Variants in PREX2 observed in about 807,000 individuals in gnomAD.
PREX2 encodes the protein phosphatidylinositol-3,4,5-trisphosphate dependent Rac exchange factor 2.
In PREX2, 107 loss-of-function variants were observed where a neutral mutation model predicts 203.2. The ratio of observed to expected loss-of-function variants is 0.53; its 90% CI spans 0.45 to 0.62. The LOEUF is 0.62. Ranked by LOEUF, PREX2 falls within the 20% of genes least tolerant of loss-of-function variation. The pLI is 0.00. For missense variants in PREX2, 1,777 were observed against 1,955.9 expected (o/e 0.91, Z 1.72); for synonymous variants, 672 against 663.6 (o/e 1.01, Z -0.19).
chr8:68,190,524 A>G (rs1477656142), intron 35 of PREX2, among the ~76,000 whole-genome samples: 2 of 152,246 alleles, frequency 1.3e-5, no homozygotes, highest in East Asian at 3.9e-4. Context: ...TTACACAGAG[A>G]TAGAAGCAAT....
intron 19 of PREX2, among the ~76,000 whole-genome samples, chr8:68,088,227 G>T (rs11782958): frequency 6.6e-6 from 1 of 152,008 alleles, no homozygotes; most frequent in Non-Finnish European, 1.5e-5. Context: ...TTTATAAACC[G>T]TGGTTAAATC....
At chr8:68,043,729 T>G (rs936043284) in intron 7 of PREX2, among the ~76,000 whole-genome samples, 2 of 152,090 alleles carry the variant, frequency 1.3e-5, no homozygotes, top group Non-Finnish European at 2.9e-5. Flanking sequence ...AGAAAAACAT[T>G]GAAAAAATAT....
At chr8:68,122,661 C>T (rs1003804075) in intron 30 of PREX2, among the ~76,000 whole-genome samples, 1 of 152,002 alleles carries the variant, frequency 6.6e-6, no homozygotes, top group Non-Finnish European at 1.5e-5. Context: ...TCATCTCCCC[C>T]ACTTTTTTGT....
chr8:68,023,830 C>G (rs1253382154), intron 4 of PREX2, among the ~76,000 whole-genome samples: 1 of 151,932 alleles, frequency 6.6e-6, no homozygotes, highest in East Asian at 1.9e-4. Flanking sequence ...ATCTTGTGTC[C>G]TGTGATCTAA....
intron 37 of PREX2, among the ~76,000 whole-genome samples, chr8:68,200,876 C>T (rs1302376064): frequency 1.3e-5 from 2 of 151,992 alleles, no homozygotes; most frequent in Non-Finnish European, 2.9e-5. Flanking sequence ...AAACCTAGGT[C>T]CTAATATGTC....
At chr8:68,036,486 T>A (rs929634019) in intron 6 of PREX2, among the ~76,000 whole-genome samples, 2 of 152,130 alleles carry the variant, frequency 1.3e-5, no homozygotes, top group African/African-American at 4.8e-5. Flanking sequence ...CTTATATGGG[T>A]CATGATAAGA....
At chr8:68,201,581 T>G (rs1812503749) in intron 37 of PREX2, among the ~76,000 whole-genome samples, 1 of 152,150 alleles carries the variant, frequency 6.6e-6, no homozygotes, top group African/African-American at 2.4e-5. Context: ...CTGCCTGCTT[T>G]TATTTATTCT....
At chr8:67,972,300 C>CT (rs1805948647) in intron 1 of PREX2, among the ~76,000 whole-genome samples, 1 of 152,186 alleles carries the variant, frequency 6.6e-6, no homozygotes, top group Admixed American at 6.5e-5. Context: ...AAAAGTGTAA[C>CT]TTTGATTTCT....
intron 33 of PREX2, among the ~76,000 whole-genome samples, chr8:68,142,007 T>C (rs1422095127): frequency 1.3e-5 from 2 of 152,106 alleles, no homozygotes; most frequent in Admixed American, 6.6e-5. Flanking sequence ...CACAGCAAAA[T>C]TGAGAGGAAG....
rs368475739 is a variant in PREX2, at chr8:68,087,817, A to G, written c.2113+8A>G. 1 of 1,604,022 alleles carries G rather than the reference A, an allele frequency of 6.2e-7. No individual in the cohort carries two copies. The highest frequency in any genetic ancestry group is 8.5e-7 in the Non-Finnish European group (1 of 1,170,870). ...TGCATGCTGTAGGAAGAGGTAGGAAATTCGTCTTGCAGGGAAACAGCTTTC... is the reference window on the plus strand; with the variant it reads ...TGCATGCTGTAGGAAGAGGTAGGAAGTTCGTCTTGCAGGGAAACAGCTTTC... On this transcript the variant is annotated splice_region_variant and intron_variant, in intron 19 of 39. Transcript: ENST00000288368.
At position 68,164,317 on chromosome 8, in the gene PREX2, C is replaced by A. The variant is rs190282195; in HGVS notation, c.4346+6881C>A. On this transcript the variant is annotated intron_variant, in intron 35 of 39. Transcript: ENST00000288368. ...AAATAGTAGTCCCCAAAACAGGATC[C>A]AAAGAGAAAAAGCAGAAAGGCCTTA... Among the ~76,000 whole-genome samples the A allele has an allele frequency of 7.9e-4, 119 of 151,072 alleles. 1 individual carries two copies. The highest frequency in any genetic ancestry group is 2.6e-3 in the African/African-American group (109 of 41,180).
chr8:68,184,240 A>G (rs1340606078), intron 35 of PREX2, among the ~76,000 whole-genome samples: 1 of 152,100 alleles, frequency 6.6e-6, no homozygotes, highest in Non-Finnish European at 1.5e-5. Context: ...TATACAAGAG[A>G]TCAGTGTCTC....
chr8:68,221,474 TTAAG>T (rs143153311), intron 38 of PREX2, among the ~76,000 whole-genome samples: 5,899 of 152,242 alleles, frequency 0.039, 299 homozygotes, highest in African/African-American at 0.12. Flanking sequence ...GTTGTGAGGA[TTAAG>T]TAAGTAAATA....
intron 14 of PREX2, among the ~76,000 whole-genome samples, chr8:68,075,449 A>G (rs902726151): frequency 3.3e-5 from 5 of 152,162 alleles, no homozygotes; most frequent in Admixed American, 3.3e-4. Flanking sequence ...TGTACCCTCT[A>G]AAGCTCTGCT....
At chr8:68,015,309 A>G (rs1807380915) in intron 1 of PREX2, among the ~76,000 whole-genome samples, 1 of 152,208 alleles carries the variant, frequency 6.6e-6, no homozygotes, top group Non-Finnish European at 1.5e-5. Flanking sequence ...AACATCTAAA[A>G]TCTGCCTTCA....
intron 1 of PREX2, among the ~76,000 whole-genome samples, chr8:67,976,519 C>CAGAGAGAGAGACGGGAG (rs1806096675): frequency 4.2e-5 from 2 of 47,540 alleles, no homozygotes; most frequent in African/African-American, 1.5e-4. Context: ...CAGACAGAGA[C>CAGAGAGAGAGACGGGAG]AGAGACAGAG....
intron 11 of PREX2, 79 bp from the exon 12 acceptor site, chr8:68,068,954 T>A: frequency 3.6e-6 from 2 of 550,954 alleles, no homozygotes; most frequent in Non-Finnish European, 6.0e-6. Context: ...TGGGAATAAG[T>A]ATTTAATAAA....
chr8:67,982,500 G>C (rs1435534753), intron 1 of PREX2, among the ~76,000 whole-genome samples: 4 of 152,116 alleles, frequency 2.6e-5, no homozygotes, highest in Non-Finnish European at 5.9e-5. Flanking sequence ...TTCCCCCTCA[G>C]GTAGTAAGGG....
chr8:68,185,190 T>C (rs1366260205), intron 35 of PREX2, among the ~76,000 whole-genome samples: 1 of 152,226 alleles, frequency 6.6e-6, no homozygotes, highest in Middle Eastern at 3.2e-3. Context: ...TTCATCCTTT[T>C]GTTTTTCCTT....
Sources: allele counts gnomAD v4.1 joint callset (sites outside exome capture counted in the v4.1 genomes callset), GRCh38; gene constraint gnomAD v4.1.1; transcripts MANE v1.5; gene names NCBI Gene and HGNC (gene_info 2026-07-23, HGNC 2026-07-21).